Variants in PTPRD observed in about 807,000 individuals in gnomAD.
PTPRD encodes receptor-type tyrosine-protein phosphatase delta.
PTPRD carries 34 observed loss-of-function variants against 214.5 expected under a neutral mutation model. The ratio of observed to expected loss-of-function variants is 0.16; its 90% CI spans 0.12 to 0.21. The LOEUF (loss-of-function observed/expected upper bound fraction) is 0.21, where lower values mean the gene tolerates loss of function less well. Among genes scored for constraint, PTPRD ranks in the 10% least tolerant of loss-of-function variants. The pLI, the probability that PTPRD is intolerant of heterozygous loss-of-function variation, is 1.00. For missense variants in PTPRD, 2,545 were observed against 2,398.7 expected, an observed-to-expected ratio of 1.06 and a Z score of -1.27; for synonymous variants, 1,128 against 845.7, an observed-to-expected ratio of 1.33 and a Z score of -5.79.
intron 11 of PTPRD, among the ~76,000 whole-genome samples, chr9:8,746,085 T>C (rs2092765415): frequency 6.6e-6 from 1 of 151,246 alleles, no homozygotes; most frequent in South Asian, 2.1e-4. Context: ...TGAGCCACCA[T>C]GCCCAATCGA....
chr9:9,959,865 A>G (rs990992054), intron 4 of PTPRD, among the ~76,000 whole-genome samples: 1 of 152,202 alleles, frequency 6.6e-6, no homozygotes, highest in Non-Finnish European at 1.5e-5. Context: ...AGTTGTAGAC[A>G]TTGGTATGAA....
intron 3 of PTPRD, among the ~76,000 whole-genome samples, chr9:10,144,111 A>C (rs1317315024): frequency 6.6e-6 from 1 of 152,154 alleles, no homozygotes; most frequent in East Asian, 1.9e-4. Flanking sequence ...AAAATAAAGT[A>C]ATTTTAAAAA....
intron 3 of PTPRD, among the ~76,000 whole-genome samples, chr9:10,306,085 T>C (rs2096058494): frequency 6.6e-6 from 1 of 152,090 alleles, no homozygotes; most frequent in African/African-American, 2.4e-5. Context: ...GGGAATCCTA[T>C]GCATCCACAA....
At chr9:8,628,969 G>A (rs1045474820) in intron 14 of PTPRD, among the ~76,000 whole-genome samples, 14 of 151,794 alleles carry the variant, frequency 9.2e-5, no homozygotes, top group African/African-American at 3.1e-4. Flanking sequence ...ATCATACCCT[G>A]TTCTGTTGTG....
chr9:9,148,167 A>C (rs1228037423), intron 10 of PTPRD, among the ~76,000 whole-genome samples: 1 of 152,136 alleles, frequency 6.6e-6, no homozygotes, highest in African/African-American at 2.4e-5. Flanking sequence ...CCAGAGAGAA[A>C]GTTTTTGCTA....
chr9:9,483,912 C>G lies in PTPRD; in HGVS notation c.-236-86430G>C, dbSNP rs182920008. 6.4e-4 allele frequency among the ~76,000 whole-genome samples: 97 copies of G among 151,374 alleles called. No homozygotes were observed. In the Middle Eastern group the frequency reaches 0.031, roughly 48 times the overall value. On this transcript the variant is annotated intron_variant, in intron 8 of 45. Transcript: ENST00000381196. Reference sequence around the variant, plus strand: ...GCAATAAAATCCCTTTGTATCCTATCACGTTTATGTTATATTATAAATGCT... The same window carrying G: ...GCAATAAAATCCCTTTGTATCCTATGACGTTTATGTTATATTATAAATGCT...
Position 8,849,171 on chromosome 9 carries a change from A to T in PTPRD, c.-103-115225T>A, listed in dbSNP as rs985082456. On this transcript the variant is annotated intron_variant, in intron 11 of 45. Transcript: ENST00000381196. ...TCAATTCTACTCAACTCAAAAAAAA[A>T]TTTTTTTTTTTTTTTTTTTTTTGAG... 5.3e-3 allele frequency among the ~76,000 whole-genome samples: 573 copies of T among 108,780 alleles called. 3 individuals are homozygous for T. Among genetic ancestry groups the T allele is most frequent in the Non-Finnish European group, 8.9e-3 (482 of 54,410 alleles). 71.4% of individuals were successfully genotyped at this position (108,780 alleles called of 152,430 possible). A position where few individuals can be genotyped will look rare whatever the true frequency, so the allele number is the denominator to read the frequency against.
chr9:9,611,146 T>C (rs1284664895), intron 7 of PTPRD, among the ~76,000 whole-genome samples: 3 of 152,228 alleles, frequency 2.0e-5, no homozygotes, highest in Admixed American at 2.0e-4. Flanking sequence ...TAATTCCTTC[T>C]GTTGAATATT....
At chr9:8,400,563 T>C (rs1484120589) in intron 36 of PTPRD, among the ~76,000 whole-genome samples, 1 of 152,196 alleles carries the variant, frequency 6.6e-6, no homozygotes, top group East Asian at 1.9e-4. Context: ...AATAGATTTT[T>C]AGGCAAAAAG....
intron 3 of PTPRD, among the ~76,000 whole-genome samples, chr9:10,273,640 T>G (rs184402877): frequency 4.6e-5 from 7 of 152,102 alleles, no homozygotes; most frequent in Non-Finnish European, 1.0e-4. Flanking sequence ...CAGAAATTGA[T>G]AGAAATAGAG....
intron 8 of PTPRD, among the ~76,000 whole-genome samples, chr9:9,538,739 AT>A (rs369101243): frequency 7.5e-4 from 114 of 151,990 alleles, no homozygotes; most frequent in African/African-American, 2.6e-3. Context: ...TTACCAAATT[AT>A]TTTTACTTCC....
chr9:9,800,928 A>G (rs2099035559), intron 5 of PTPRD, among the ~76,000 whole-genome samples: 1 of 152,160 alleles, frequency 6.6e-6, no homozygotes. Flanking sequence ...AAGGAGATAC[A>G]CGATTAGTTG....
At chr9:9,934,388 G>A (rs945222740) in intron 5 of PTPRD, among the ~76,000 whole-genome samples, 1 of 145,774 alleles carries the variant, frequency 6.9e-6, no homozygotes, top group East Asian at 2.1e-4. Context: ...AAATGATAAA[G>A]GGGATATCGC....
chr9:9,703,083 T>C (rs2097533729), intron 7 of PTPRD, among the ~76,000 whole-genome samples: 1 of 152,056 alleles, frequency 6.6e-6, no homozygotes, highest in Admixed American at 6.6e-5. Flanking sequence ...TGATAAGAGG[T>C]GATTGGATGG....
intron 3 of PTPRD, among the ~76,000 whole-genome samples, chr9:10,288,373 C>T (rs976653788): frequency 1.3e-5 from 2 of 151,898 alleles, no homozygotes; most frequent in Admixed American, 1.3e-4. Context: ...AATTTAAAAA[C>T]AATTATACCA....
chr9:10,338,508 A>G (rs1165258245), intron 3 of PTPRD, among the ~76,000 whole-genome samples: 1 of 151,750 alleles, frequency 6.6e-6, no homozygotes, highest in Non-Finnish European at 1.5e-5. Context: ...GTTCATCCCA[A>G]AACCCCACAA....
intron 5 of PTPRD, among the ~76,000 whole-genome samples, chr9:9,859,076 T>C (rs1206918582): frequency 6.6e-6 from 1 of 152,062 alleles, no homozygotes; most frequent in Non-Finnish European, 1.5e-5. Flanking sequence ...CAGTGAGTTC[T>C]CAAAAAAGGG....
At chr9:8,851,103 C>A (rs1371023367) in intron 11 of PTPRD, among the ~76,000 whole-genome samples, 1 of 151,854 alleles carries the variant, frequency 6.6e-6, no homozygotes, top group Admixed American at 6.6e-5. Flanking sequence ...CTACAGGCAC[C>A]CACCATCCAT....
intron 3 of PTPRD, among the ~76,000 whole-genome samples, chr9:10,238,295 C>A (rs765451997): frequency 5.9e-5 from 9 of 151,888 alleles, no homozygotes; most frequent in Non-Finnish European, 1.2e-4. Flanking sequence ...CTAATAGCTA[C>A]TGAGACAACC....
Sources: allele counts gnomAD v4.1 joint callset (sites outside exome capture counted in the v4.1 genomes callset), GRCh38; gene constraint gnomAD v4.1.1; transcripts MANE v1.5; gene names NCBI Gene and HGNC (gene_info 2026-07-23, HGNC 2026-07-21).